The following ATRNL1 variants were observed in gnomAD, a reference collection of about 807,000 sequenced individuals.
ATRNL1 encodes attractin like 1.
In ATRNL1, 95 loss-of-function variants were observed where a neutral mutation model predicts 182.7. That is an observed-to-expected ratio of 0.52 (90% CI 0.44 to 0.62). The LOEUF (loss-of-function observed/expected upper bound fraction) is 0.62. ATRNL1 is among the 20% of genes least tolerant of loss of function. ATRNL1 has a pLI of 0.00. For missense variants in ATRNL1, 1,471 were observed against 1,679.5 expected (o/e 0.88, Z 2.17); for synonymous variants, 576 against 568.3 (o/e 1.01, Z -0.19).
At chr10:115,560,358 A>G (rs1853624605) in intron 26 of ATRNL1, among the ~76,000 whole-genome samples, 1 of 152,164 alleles carries the variant, frequency 6.6e-6, no homozygotes, top group Admixed American at 6.5e-5. Flanking sequence ...TGAGAACAGT[A>G]TGGGAGAGAC....
At chr10:115,213,474 G>T (rs183287842) in intron 8 of ATRNL1, among the ~76,000 whole-genome samples, 11 of 152,182 alleles carry the variant, frequency 7.2e-5, no homozygotes, top group Non-Finnish European at 1.0e-4. Context: ...TAAGGATGGG[G>T]GTTGAGAAGT....
intron 27 of ATRNL1, among the ~76,000 whole-genome samples, chr10:115,841,243 A>G (rs1480732356): frequency 6.6e-6 from 1 of 152,086 alleles, no homozygotes; most frequent in South Asian, 2.1e-4. Flanking sequence ...ACACCTAGGG[A>G]AAAATAGGTG....
intron 8 of ATRNL1, among the ~76,000 whole-genome samples, chr10:115,196,777 A>G (rs1156321488): frequency 6.6e-6 from 1 of 152,152 alleles, no homozygotes; most frequent in Non-Finnish European, 1.5e-5. Context: ...GTTGCTAAAC[A>G]CACTTATTAA....
chr10:115,144,058 C>T (rs1160484425), intron 5 of ATRNL1, among the ~76,000 whole-genome samples: 3 of 150,874 alleles, frequency 2.0e-5, no homozygotes, highest in South Asian at 2.1e-4. Flanking sequence ...TGGCTCACTG[C>T]AACCTCTGCC....
intron 19 of ATRNL1, among the ~76,000 whole-genome samples, chr10:115,351,724 C>T (rs1856259282): frequency 1.0e-5 from 1 of 99,480 alleles, no homozygotes; most frequent in African/African-American, 2.9e-5. Context: ...TGATATTGGC[C>T]TGTAGTTTTC....
At chr10:115,842,156 G>A (rs566713928) in intron 27 of ATRNL1, among the ~76,000 whole-genome samples, 32 of 152,086 alleles carry the variant, frequency 2.1e-4, no homozygotes, top group African/African-American at 7.2e-4. Context: ...TGTGCATACT[G>A]TCAGAATTTA....
At chr10:115,370,329 A>G (rs782250909) in intron 19 of ATRNL1, among the ~76,000 whole-genome samples, 1 of 152,262 alleles carries the variant, frequency 6.6e-6, no homozygotes, top group Non-Finnish European at 1.5e-5. Context: ...GGAACTGGTT[A>G]CAGGCCAAGG....
intron 9 of ATRNL1, among the ~76,000 whole-genome samples, chr10:115,216,408 A>G (rs1200309940): frequency 6.6e-6 from 1 of 152,074 alleles, no homozygotes; most frequent in Non-Finnish European, 1.5e-5. Flanking sequence ...TCATGTTCTC[A>G]CCAACACTTG....
chr10:115,281,919 AATTATAT>A (rs1354844095), intron 14 of ATRNL1, among the ~76,000 whole-genome samples: 1 of 148,102 alleles, frequency 6.8e-6, no homozygotes, highest in East Asian at 2.0e-4. Context: ...AGAACATATT[AATTATAT>A]ATTATATATT....
chr10:115,770,355 A>C (rs1948959559), intron 27 of ATRNL1, among the ~76,000 whole-genome samples: 1 of 152,182 alleles, frequency 6.6e-6, no homozygotes, highest in Non-Finnish European at 1.5e-5. Flanking sequence ...GAGTACAGCA[A>C]TAAAACTCAA....
intron 18 of ATRNL1, among the ~76,000 whole-genome samples, chr10:115,321,220 G>C (rs568179133): frequency 9.2e-5 from 14 of 152,156 alleles, no homozygotes; most frequent in African/African-American, 3.1e-4. Flanking sequence ...CCTGCCCCTG[G>C]AGATATCACT....
chr10:115,563,510 C>T (rs1231217383), intron 26 of ATRNL1, among the ~76,000 whole-genome samples: 1 of 152,050 alleles, frequency 6.6e-6, no homozygotes, highest in Non-Finnish European at 1.5e-5. Context: ...AAACCTAATA[C>T]AGAATTCAGC....
At chr10:115,633,389 T>C (rs1858648223) in intron 26 of ATRNL1, among the ~76,000 whole-genome samples, 1 of 152,244 alleles carries the variant, frequency 6.6e-6, no homozygotes, top group African/African-American at 2.4e-5. Context: ...TTGGGACTTG[T>C]CTTGGACAGT....
At chr10:115,135,926 C>T (rs959813520) in intron 5 of ATRNL1, among the ~76,000 whole-genome samples, 3 of 80,208 alleles carry the variant, frequency 3.7e-5, no homozygotes, top group Middle Eastern at 7.5e-3. Context: ...GTGGCATGAT[C>T]GCAGCTCTTG....
chr10:115,595,780 G>T (rs1243836072), intron 26 of ATRNL1, among the ~76,000 whole-genome samples: 1 of 27,496 alleles, frequency 3.6e-5, no homozygotes, highest in Admixed American at 6.2e-4. Context: ...GTTACAATTT[G>T]GTCTCAATTT....
intron 27 of ATRNL1, among the ~76,000 whole-genome samples, chr10:115,771,375 C>T (rs1017495124): frequency 1.3e-5 from 2 of 151,944 alleles, no homozygotes; most frequent in Non-Finnish European, 2.9e-5. Context: ...GGACTACAGG[C>T]GCCCGCCACC....
intron 28 of ATRNL1, among the ~76,000 whole-genome samples, chr10:115,898,670 A>G (rs371596630): frequency 4.6e-5 from 7 of 152,316 alleles, no homozygotes; most frequent in African/African-American, 1.4e-4. Flanking sequence ...CACACTCTGC[A>G]TCTGTCCTAA....
chr10:115,682,495 C>T (rs1231040932), intron 26 of ATRNL1, among the ~76,000 whole-genome samples: 3 of 152,026 alleles, frequency 2.0e-5, no homozygotes, highest in Non-Finnish European at 4.4e-5. Context: ...GAGCCAAGAT[C>T]GCACCACTGC....
intron 26 of ATRNL1, among the ~76,000 whole-genome samples, chr10:115,677,314 A>T: frequency 1.3e-5 from 2 of 152,050 alleles, no homozygotes; most frequent in East Asian, 3.9e-4. Context: ...CAGGTTTGAT[A>T]CAGGAAAATC....
Sources: gnomAD v4.1 joint callset for allele counts (sites outside exome capture counted in the v4.1 genomes callset) on GRCh38, gnomAD v4.1.1 for gene constraint, MANE v1.5 for transcripts, NCBI Gene and HGNC (gene_info 2026-07-23, HGNC 2026-07-21) for gene names.